Variants in ANKMY2 observed in about 807,000 individuals in gnomAD.
The protein encoded by ANKMY2 is ankyrin repeat and MYND domain-containing protein 2.
In ANKMY2, 36 loss-of-function variants were observed where a neutral mutation model predicts 50.4. The observed-to-expected ratio is 0.71, with a 90% CI of 0.55 to 0.94. ANKMY2 has a LOEUF of 0.94. ANKMY2 is among the 40% of genes least tolerant of loss of function. The pLI is 0.00. For synonymous variants in ANKMY2, 187 were observed against 178.8 expected (o/e 1.05, Z -0.36); for missense variants, 565 against 524.0 (o/e 1.08, Z -0.76).
In ANKMY2 at chr7:16,636,398, A is replaced by C; in HGVS notation, c.125T>G (p.Leu42Trp). 1 of 1,603,802 alleles carries C rather than the reference A, an allele frequency of 6.2e-7. No homozygotes were observed. The highest frequency in any genetic ancestry group is 8.5e-7 in the Non-Finnish European group (1 of 1,175,362). The change falls in exon 2 of 10, where the codon TTG (leucine) becomes TGG (tryptophan). Residue 42 changes from leucine (L) to tryptophan (W), a missense_variant. By Grantham distance (61) the Leu-to-Trp change is moderately conservative. Coordinates refer to ENST00000306999, the MANE Select transcript of ANKMY2 (RefSeq NM_020319.3). ...LSSKNVRVNC[L>W]DENGMTPLMH... ...AAACTTCTAAAATCTTACCTCGTCC[A>C]AACAGTTGACACGAACATTCTTGCT...
intron 9 of ANKMY2, 39 bp downstream of exon 9, chr7:16,602,341 C>G: frequency 1.9e-6 from 3 of 1,599,368 alleles, no homozygotes; most frequent in Non-Finnish European, 2.6e-6. Context: ...TCTCTCTCTC[C>G]ACTAAAAAGC....
chr7:16,622,674 A>C (rs917919565), intron 4 of ANKMY2, among the ~76,000 whole-genome samples: 2 of 151,962 alleles, frequency 1.3e-5, no homozygotes, highest in African/African-American at 4.8e-5. Flanking sequence ...CGGGAGGCGG[A>C]GGTTGCAATG....
chr7:16,644,467 T>C (rs187566347), intron 1 of ANKMY2, among the ~76,000 whole-genome samples: 1 of 152,336 alleles, frequency 6.6e-6, no homozygotes, highest in Admixed American at 6.5e-5. Context: ...ATCTGCCTTA[T>C]TCTCTAGGAT....
intron 3 of ANKMY2, among the ~76,000 whole-genome samples, chr7:16,625,649 A>T (rs1781497292): frequency 6.6e-6 from 1 of 152,174 alleles, no homozygotes. Flanking sequence ...CGCAAGTTTG[A>T]ATTATGATTT....
chr7:16,613,109 T>C (rs1432241684), intron 5 of ANKMY2, among the ~76,000 whole-genome samples: 1 of 152,176 alleles, frequency 6.6e-6, no homozygotes, highest in Non-Finnish European at 1.5e-5. Flanking sequence ...TCTGCTGACA[T>C]TTTTTTCTGT....
intron 8 of ANKMY2, 66 bp downstream of exon 8, chr7:16,604,655 A>C: frequency 6.4e-7 from 1 of 1,554,906 alleles, no homozygotes; most frequent in Non-Finnish European, 8.7e-7. Flanking sequence ...GAATATTAAA[A>C]CTCAATCATC....
At chr7:16,620,214 A>G (rs559973378) in intron 4 of ANKMY2, among the ~76,000 whole-genome samples, 40 of 152,344 alleles carry the variant, frequency 2.6e-4, no homozygotes, top group African/African-American at 8.7e-4. Flanking sequence ...GAGAGAGGAC[A>G]GTAAGAGAGT....
chr7:16,606,187 G>A (rs934343758), intron 7 of ANKMY2, among the ~76,000 whole-genome samples: 3 of 152,054 alleles, frequency 2.0e-5, no homozygotes, highest in African/African-American at 4.8e-5. Context: ...TCCCAGTACT[G>A]TGCGAGGCCA....
At chr7:16,605,125 G>C (rs1478055005) in intron 7 of ANKMY2, among the ~76,000 whole-genome samples, 3 of 152,154 alleles carry the variant, frequency 2.0e-5, no homozygotes, top group African/African-American at 7.2e-5. Flanking sequence ...TTCCAATAAG[G>C]ATAATTCAGT....
intron 2 of ANKMY2, among the ~76,000 whole-genome samples, chr7:16,635,303 T>C (rs1583684437): frequency 6.6e-6 from 1 of 152,112 alleles, no homozygotes; most frequent in Non-Finnish European, 1.5e-5. Context: ...AAATGCAAAC[T>C]AATATATTGT....
At chr7:16,623,778 G>A (rs979853001) in intron 4 of ANKMY2, among the ~76,000 whole-genome samples, 1 of 152,088 alleles carries the variant, frequency 6.6e-6, no homozygotes, top group African/African-American at 2.4e-5. Context: ...ATATTTCTCC[G>A]AAGCTTACAC....
At chr7:16,625,573 A>G (rs1781496333) in intron 3 of ANKMY2, among the ~76,000 whole-genome samples, 1 of 152,188 alleles carries the variant, frequency 6.6e-6, no homozygotes, top group South Asian at 2.1e-4. Flanking sequence ...CTTCTACTAA[A>G]GTAGTCATTA....
chr7:16,606,948 G>C (rs1281147289), intron 7 of ANKMY2, among the ~76,000 whole-genome samples: 1 of 152,182 alleles, frequency 6.6e-6, no homozygotes, highest in Non-Finnish European at 1.5e-5. Context: ...CTGAGCAGGA[G>C]GGCCCAGGCA....
intron 4 of ANKMY2, among the ~76,000 whole-genome samples, chr7:16,619,024 CTG>C (rs985449559): frequency 6.6e-6 from 1 of 152,188 alleles, no homozygotes; most frequent in Admixed American, 6.5e-5. Flanking sequence ...TAGCTTATAA[CTG>C]TATCTTCTCA....
At chr7:16,643,624 A>C (rs1289665342) in intron 1 of ANKMY2, among the ~76,000 whole-genome samples, 1 of 151,508 alleles carries the variant, frequency 6.6e-6, no homozygotes, top group Non-Finnish European at 1.5e-5. Context: ...ATAATCTTCA[A>C]AATAAATACT....
intron 1 of ANKMY2, 70 bp downstream of exon 1, chr7:16,645,437 G>GCGCCCCCCGGGCTCCGCCA: frequency 1.4e-6 from 2 of 1,467,654 alleles, no homozygotes; most frequent in Non-Finnish European, 9.1e-7. Context: ...CAGGCCAGGA[G>GCGCCCCCCGGGCTCCGCCA]CGCCCCCCGG....
At chr7:16,619,752 T>A (rs532764816) in intron 4 of ANKMY2, among the ~76,000 whole-genome samples, 1 of 152,304 alleles carries the variant, frequency 6.6e-6, no homozygotes, top group African/African-American at 2.4e-5. Context: ...AGCCAGTACA[T>A]CATTTTGCTC....
chr7:16,621,731 T>G (rs1421573130), intron 4 of ANKMY2, among the ~76,000 whole-genome samples: 2 of 151,948 alleles, frequency 1.3e-5, no homozygotes, highest in East Asian at 3.9e-4. Flanking sequence ...CCTAAGGACT[T>G]TGGGAGGTGG....
chr7:16,609,405 C>T (rs548079077), intron 7 of ANKMY2, among the ~76,000 whole-genome samples: 2 of 152,224 alleles, frequency 1.3e-5, no homozygotes, highest in East Asian at 3.9e-4. Flanking sequence ...AACATAGCGA[C>T]GTCCTGTTTA....
Sources: allele counts gnomAD v4.1 joint callset (sites outside exome capture counted in the v4.1 genomes callset), GRCh38; gene constraint gnomAD v4.1.1; transcripts MANE v1.5; gene names NCBI Gene and HGNC (gene_info 2026-07-23, HGNC 2026-07-21).